UBE2E3: variants seen among roughly 807,000 people sequenced by gnomAD.
UBE2E3 encodes ubiquitin-conjugating enzyme E2 E3.
A neutral mutation model predicts 23.6 loss-of-function variants in UBE2E3; 5 were observed. The ratio of observed to expected loss-of-function variants is 0.21; its 90% CI spans 0.11 to 0.44. The LOEUF is 0.44. Ranked by LOEUF, UBE2E3 falls within the 20% of genes least tolerant of loss-of-function variation. The pLI is 0.99. For missense variants in UBE2E3, 81 were observed against 249.8 expected, an observed-to-expected ratio of 0.32 and a Z score of 4.55; for synonymous variants, 78 against 87.5, an observed-to-expected ratio of 0.89 and a Z score of 0.60.
rs559588967 is a variant in UBE2E3 at position 181,044,046 on chromosome 2, A to G, written c.246-13647A>G. On this transcript the variant is annotated intron_variant, in intron 3 of 5. Transcript: ENST00000410062. Reference sequence around the variant, plus strand: ...AGCTTCTTGGATGTGGGATTACTTAATCAAATGACTCTTGATACATGTGGC... The same window carrying G: ...AGCTTCTTGGATGTGGGATTACTTAGTCAAATGACTCTTGATACATGTGGC... Among the ~76,000 whole-genome samples, 35 of 152,222 alleles carry G rather than the reference A, an allele frequency of 2.3e-4. No individual in the cohort carries two copies. In the Middle Eastern group the frequency reaches 0.01, roughly 44 times the overall value.
chr2:181,016,663 C>T (rs1277202356), intron 3 of UBE2E3, among the ~76,000 whole-genome samples: 2 of 152,154 alleles, frequency 1.3e-5, no homozygotes, highest in Non-Finnish European at 2.9e-5. Context: ...TTTCCCAAAC[C>T]TTAGTTTTGT....
At chr2:181,031,726 A>G (rs948180880) in intron 3 of UBE2E3, among the ~76,000 whole-genome samples, 8 of 151,838 alleles carry the variant, frequency 5.3e-5, no homozygotes, top group African/African-American at 1.9e-4. Context: ...CCTTCTTTAC[A>G]CCCATTTTTG....
chr2:180,994,479 T>C (rs1684767836), intron 3 of UBE2E3, among the ~76,000 whole-genome samples: 1 of 152,206 alleles, frequency 6.6e-6, no homozygotes, highest in Non-Finnish European at 1.5e-5. Flanking sequence ...CTATGCACTT[T>C]CAAAAGATAA....
At chr2:180,990,041 A>T in intron 3 of UBE2E3, 1 of 1,429,288 alleles carries the variant, frequency 7.0e-7, no homozygotes, top group Non-Finnish European at 9.5e-7. Flanking sequence ...CCACATACCA[A>T]TTTTGACAGG....
At chr2:181,004,189 T>C (rs1685071302) in intron 3 of UBE2E3, among the ~76,000 whole-genome samples, 1 of 152,242 alleles carries the variant, frequency 6.6e-6, no homozygotes, top group Non-Finnish European at 1.5e-5. Context: ...TTGAAATTAA[T>C]TGACTCAAAG....
intron 3 of UBE2E3, among the ~76,000 whole-genome samples, chr2:181,035,435 G>A (rs1686237540): frequency 6.6e-6 from 1 of 152,052 alleles, no homozygotes; most frequent in African/African-American, 2.4e-5. Flanking sequence ...TTTTTAAATA[G>A]TAATAACTAC....
At chr2:181,007,535 AC>A (rs745868586) in intron 3 of UBE2E3, among the ~76,000 whole-genome samples, 72 of 151,724 alleles carry the variant, frequency 4.7e-4, no homozygotes, top group Admixed American at 9.9e-4. Flanking sequence ...ACTTGGAAAT[AC>A]CTGGGCAAAT....
intron 3 of UBE2E3, among the ~76,000 whole-genome samples, chr2:181,021,666 T>TCCTTCCTTCCTTCCTTCCTTC (rs1310438364): frequency 7.7e-6 from 1 of 129,374 alleles, no homozygotes; most frequent in Non-Finnish European, 1.6e-5. Context: ...CTTCCTTCCT[T>TCCTTCCTTCCTTCCTTCCTTC]CTTTCCTTCC....
At position 181,062,998 on chromosome 2, in the gene UBE2E3, T is replaced by G. The variant is rs1687203173; in HGVS notation, c.*110T>G. 6 of 517,708 alleles carry G rather than the reference T, an allele frequency of 1.2e-5. No individual in the cohort carries two copies. The highest frequency in any genetic ancestry group is 1.9e-5 in the Non-Finnish European group (6 of 308,882). 32.1% of individuals were successfully genotyped at this position (517,708 alleles called of 1,614,324 possible). A position where few individuals can be genotyped will look rare whatever the true frequency, so the allele number is the denominator to read the frequency against. On this transcript the variant is annotated 3_prime_UTR_variant, in exon 6 of 6. Transcript: ENST00000410062. The stretch of plus-strand genomic sequence containing the variant: ...TTCTGTGTATATGTTATACTGATTC[T>G]ACTCTGCTTTTATCCTTTGGAGCCT...
At chr2:181,019,170 G>C (rs1414935006) in intron 3 of UBE2E3, among the ~76,000 whole-genome samples, 1 of 152,174 alleles carries the variant, frequency 6.6e-6, no homozygotes, top group Non-Finnish European at 1.5e-5. Flanking sequence ...GTGTTGGTCA[G>C]GCTGGTCTCG....
intron 4 of UBE2E3, 53 bp from the exon 5 acceptor site, chr2:181,060,612 A>G: frequency 6.8e-7 from 1 of 1,460,094 alleles, no homozygotes; most frequent in Non-Finnish European, 9.1e-7. Context: ...TTAGTGTTTT[A>G]ATTGGTAATA....
chr2:181,049,430 G>A (rs1686763263), intron 3 of UBE2E3, among the ~76,000 whole-genome samples: 1 of 151,980 alleles, frequency 6.6e-6, no homozygotes, highest in Non-Finnish European at 1.5e-5. Context: ...TTCACCTTGT[G>A]TATGGTTGTA....
chr2:180,980,593 C>T (rs187042945), upstream of UBE2E3: 2 of 148,904 alleles, frequency 1.3e-5, no homozygotes, highest in South Asian at 2.1e-4. The surrounding 1 kb of genome is among the most constrained non-coding windows in gnomAD (Gnocchi z 5.5). Flanking sequence ...CCCTCCCCCC[C>T]GCGCTCGCCT....
At chr2:181,040,943 C>A (rs72885247) in intron 3 of UBE2E3, among the ~76,000 whole-genome samples, 35,250 of 151,884 alleles carry the variant, frequency 0.23, 4,461 homozygotes, top group Non-Finnish European at 0.28. Flanking sequence ...CAGCACATTT[C>A]CTTTTCTCCA....
At chr2:180,985,866 G>GTCT (rs1684450767) in intron 3 of UBE2E3, among the ~76,000 whole-genome samples, 1 of 151,848 alleles carries the variant, frequency 6.6e-6, no homozygotes, top group Non-Finnish European at 1.5e-5. Flanking sequence ...GAGCCTAGTA[G>GTCT]ACATGTATTA....
At chr2:180,982,473 G>A (rs993812862) in intron 2 of UBE2E3, among the ~76,000 whole-genome samples, 1 of 152,204 alleles carries the variant, frequency 6.6e-6, no homozygotes, top group Non-Finnish European at 1.5e-5. Context: ...GTGTCCTTGA[G>A]TAGAGATTAG....
intron 3 of UBE2E3, among the ~76,000 whole-genome samples, chr2:181,007,494 A>T (rs1025203961): frequency 1.4e-5 from 2 of 140,390 alleles, no homozygotes; most frequent in South Asian, 4.6e-4. Context: ...TGAACTAAGT[A>T]TAATTGTTTT....
intron 2 of UBE2E3, 55 bp from the exon 3 acceptor site, chr2:180,983,988 G>C: frequency 6.8e-7 from 1 of 1,466,946 alleles, no homozygotes; most frequent in Non-Finnish European, 9.4e-7. Context: ...GTAATTCCCT[G>C]GTTATTCTGT....
rs1475558087 is a variant in UBE2E3, at chr2:180,980,851, C to CT, written c.-141dup. The stretch of plus-strand genomic sequence containing the variant: ...TCCCCGGCCAGAGCCTCCTCGGCTT[C>CT]TTTTTTTCCCTCCCCCCCCTTCCCC... On this transcript the variant is annotated 5_prime_UTR_variant, in exon 1 of 6. An upstream open reading frame in the 5' UTR gains an earlier in-frame stop. Coordinates refer to ENST00000410062, the MANE Select transcript of UBE2E3 (RefSeq NM_006357.4). The surrounding 1 kb of genome is among the most constrained non-coding windows in gnomAD (Gnocchi z 5.5). The CT allele has an allele frequency of 6.7e-6, 1 of 149,228 alleles. No individual in the cohort carries two copies. Among genetic ancestry groups the CT allele is most frequent in the Admixed American group, 6.7e-5 (1 of 15,026 alleles). The allele number at this position is 149,228 out of a possible 1,614,324, so 9.2% of individuals were successfully genotyped here.
Sources: gnomAD v4.1 joint callset for allele counts (sites outside exome capture counted in the v4.1 genomes callset) on GRCh38, gnomAD v4.1.1 for gene constraint, Gnocchi (gnomAD v3.1) non-coding constraint, MANE v1.5 for transcripts, NCBI Gene and HGNC (gene_info 2026-07-23, HGNC 2026-07-21) for gene names.